Variants in IQUB observed in about 807,000 individuals in gnomAD.
IQUB encodes IQ motif and ubiquitin-like domain-containing protein.
In IQUB, 86 loss-of-function variants were observed where a neutral mutation model predicts 86.4. That is an observed-to-expected ratio of 1.00 (90% CI 0.84 to 1.19). The LOEUF (loss-of-function observed/expected upper bound fraction) is 1.19, where lower values mean the gene tolerates loss of function less well. IQUB is among the 50% of genes most tolerant of loss of function. The pLI, the probability that IQUB is intolerant of heterozygous loss-of-function variation, is 0.00. For synonymous variants in IQUB, 289 were observed against 304.5 expected (o/e 0.95, Z 0.53); for missense variants, 946 against 916.9 (o/e 1.03, Z -0.41).
At chr7:123,463,825 C>T (rs182594034) in intron 10 of IQUB, among the ~76,000 whole-genome samples, 60 of 151,588 alleles carry the variant, frequency 4.0e-4, no homozygotes, top group Non-Finnish European at 8.1e-4. Context: ...TGTAGAAACT[C>T]TATCAATTGT....
At chr7:123,501,820 C>T (rs1398406290) in intron 6 of IQUB, 2 of 152,170 alleles carry the variant, frequency 1.3e-5, no homozygotes, top group East Asian at 3.9e-4. Flanking sequence ...CCCACTCAAA[C>T]TTCACTCTTC....
chr7:123,524,863 C>G (rs1393218496), intron 1 of IQUB, among the ~76,000 whole-genome samples: 10 of 150,880 alleles, frequency 6.6e-5, no homozygotes, highest in Non-Finnish European at 1.3e-4. Flanking sequence ...TTATTATTTT[C>G]AGATACGTCC....
intron 3 of IQUB, among the ~76,000 whole-genome samples, chr7:123,507,354 A>C (rs1346585084): frequency 6.6e-6 from 1 of 152,224 alleles, no homozygotes; most frequent in Non-Finnish European, 1.5e-5. Context: ...CTGTAGGCTA[A>C]TGTAACTATT....
chr7:123,479,054 A>G (rs1794879769), intron 8 of IQUB, among the ~76,000 whole-genome samples: 1 of 152,180 alleles, frequency 6.6e-6, no homozygotes, highest in Non-Finnish European at 1.5e-5. Flanking sequence ...TAGAATATCA[A>G]AAATATGGTT....
chr7:123,504,303 GC>G (rs1796080187), intron 3 of IQUB, among the ~76,000 whole-genome samples: 1 of 151,962 alleles, frequency 6.6e-6, no homozygotes, highest in Non-Finnish European at 1.5e-5. Context: ...ACAAAACTGA[GC>G]CAGGCCGTGG....
chr7:123,490,675 C>T (rs978713082), intron 7 of IQUB, among the ~76,000 whole-genome samples: 2 of 152,058 alleles, frequency 1.3e-5, no homozygotes, highest in African/African-American at 2.4e-5. Flanking sequence ...TTTAAAAGAA[C>T]TCAAATTGGC....
At chr7:123,496,366 A>C (rs1795707307) in intron 7 of IQUB, among the ~76,000 whole-genome samples, 1 of 152,136 alleles carries the variant, frequency 6.6e-6, no homozygotes, top group African/African-American at 2.4e-5. Flanking sequence ...TGAGTTCAAA[A>C]TTCCCAAACC....
intron 1 of IQUB, chr7:123,532,271 T>C (rs1562883623): frequency 6.6e-6 from 1 of 152,218 alleles, no homozygotes; most frequent in Non-Finnish European, 1.5e-5. Flanking sequence ...TCTCATTCTC[T>C]ATTTAAATAT....
In IQUB at chr7:123,509,923, A is replaced by C. The variant is rs570162014; in HGVS notation, c.510T>G (p.Ser170=). The change falls in exon 3 of 13, where the codon TCT becomes TCG. Residue 170 remains serine (S), a synonymous_variant. Transcript: ENST00000324698. ...HFSHLLGIPH[S]VLQIRYSGKI... ...TACCTGAGTATCTTATCTGCAGTACAGAATGTGGGATACCTAATAAGTGTG... is the reference window on the plus strand; with the variant it reads ...TACCTGAGTATCTTATCTGCAGTACCGAATGTGGGATACCTAATAAGTGTG... 6.2e-7 allele frequency: 1 copy of C among 1,608,582 alleles called. No homozygotes were observed. The highest frequency in any genetic ancestry group is 1.3e-5 in the African/African-American group (1 of 74,798).
intron 7 of IQUB, among the ~76,000 whole-genome samples, chr7:123,487,837 A>G (rs1243430711): frequency 6.6e-6 from 1 of 152,168 alleles, no homozygotes; most frequent in Non-Finnish European, 1.5e-5. Flanking sequence ...AGCTCTCACT[A>G]TAGAAGTTAC....
chr7:123,518,454 C>T (rs1355477600), intron 1 of IQUB, among the ~76,000 whole-genome samples: 1 of 152,160 alleles, frequency 6.6e-6, no homozygotes, highest in Non-Finnish European at 1.5e-5. Context: ...ATCCAAACTA[C>T]TCACCATGGC....
At position 123,496,857 on chromosome 7, in the gene IQUB, A is replaced by C; in HGVS notation, c.1073T>G (p.Val358Gly). Residue 358 changes from valine to glycine, a missense_variant, in exon 7 of 13, where the codon GTA (valine) becomes GGA (glycine). Physicochemically the swap from Val to Gly is moderately radical, Grantham distance 109. Transcript: ENST00000324698. ...YYRQWHAKIF[V>G]ENLRRQKSLR... is the part of the protein sequence containing the mutation. ...GCTTTTCTGTCTTCTTAAATTCTCT[A>C]CGAAGATTTTAGCATGCCATTGCCT... The C allele has an allele frequency of 6.2e-7, 1 of 1,612,360 alleles. No homozygotes were observed. The highest frequency in any genetic ancestry group is 1.1e-5 in the South Asian group (1 of 90,998).
At chr7:123,497,017 C>A in intron 6 of IQUB, 111 bp from the exon 7 acceptor site, 1 of 641,844 alleles carries the variant, frequency 1.6e-6, no homozygotes, top group Non-Finnish European at 2.6e-6. Context: ...ATAACTGAGT[C>A]TAGTTTTAGC....
At chr7:123,527,600 G>T (rs545211724) in intron 1 of IQUB, among the ~76,000 whole-genome samples, 1 of 147,232 alleles carries the variant, frequency 6.8e-6, no homozygotes, top group Non-Finnish European at 1.5e-5. Context: ...TGCCCCTGCT[G>T]GGGGGTGCCT....
chr7:123,514,356 C>G (rs151104404), intron 1 of IQUB, among the ~76,000 whole-genome samples: 4 of 152,066 alleles, frequency 2.6e-5, no homozygotes, highest in Admixed American at 6.5e-5. Context: ...AAGTTACCAC[C>G]AAGATATTTG....
intron 10 of IQUB, among the ~76,000 whole-genome samples, chr7:123,464,064 G>A (rs1794131971): frequency 6.6e-6 from 1 of 151,534 alleles, no homozygotes; most frequent in Non-Finnish European, 1.5e-5. Context: ...ATGAGAATTT[G>A]TTTTTTCAAA....
Position 123,461,268 on chromosome 7 carries a change from T to TCA in IQUB, c.2007+87_2007+88dup, listed in dbSNP as rs111355527. On this transcript the variant is annotated intron_variant, in intron 11 of 12. Coordinates refer to ENST00000324698, the MANE Select transcript of IQUB (RefSeq NM_178827.5). ...AGTGGAATAGAGAGTCATTAAACAA[T>TCA]CACACACACACACACAAACATACAT... is the stretch of plus-strand genomic sequence containing the variant. 9.3e-3 allele frequency: 11,527 copies of TCA among 1,245,082 alleles called. 38 individuals carry two copies. The highest frequency in any genetic ancestry group is 0.022 in the African/African-American group (1,477 of 66,174). 77.1% of individuals were successfully genotyped at this position (1,245,082 alleles called of 1,614,324 possible).
intron 1 of IQUB, among the ~76,000 whole-genome samples, chr7:123,527,558 G>T (rs1797297896): frequency 6.6e-6 from 1 of 152,154 alleles, no homozygotes; most frequent in Admixed American, 6.5e-5. Context: ...CTGCAGGTCT[G>T]TTGGAGCACC....
chr7:123,454,367 A>G (rs1045731191), intron 12 of IQUB, among the ~76,000 whole-genome samples: 2 of 152,070 alleles, frequency 1.3e-5, no homozygotes, highest in Admixed American at 1.3e-4. Context: ...ATAACTGAAT[A>G]TATTTCCATA....
Sources: allele counts gnomAD v4.1 joint callset (sites outside exome capture counted in the v4.1 genomes callset), GRCh38; gene constraint gnomAD v4.1.1; transcripts MANE v1.5; gene names NCBI Gene and HGNC (gene_info 2026-07-23, HGNC 2026-07-21).